Variants in CARMIL1 observed in about 807,000 individuals in gnomAD.
The protein encoded by CARMIL1 is F-actin-uncapping protein LRRC16A.
CARMIL1 carries 90 observed loss-of-function variants against 177.1 expected under a neutral mutation model. That is an observed-to-expected ratio of 0.51 (90% confidence interval 0.43 to 0.61). The LOEUF is 0.61. CARMIL1 is among the 20% of genes least tolerant of loss of function. The pLI, the probability that CARMIL1 is intolerant of heterozygous loss-of-function variation, is 0.00. For missense variants in CARMIL1, 1,380 were observed against 1,667.0 expected (o/e 0.83, Z 3.00); for synonymous variants, 577 against 606.2 (o/e 0.95, Z 0.71).
At chr6:25,392,470 T>C (rs1039966324) in intron 2 of CARMIL1, among the ~76,000 whole-genome samples, 4 of 152,222 alleles carry the variant, frequency 2.6e-5, no homozygotes, top group Non-Finnish European at 4.4e-5. Context: ...TTGAAGTCTG[T>C]TTTCCTGTCA....
chr6:25,583,098 G>A (rs148989059), intron 31 of CARMIL1, among the ~76,000 whole-genome samples: 62 of 152,370 alleles, frequency 4.1e-4, no homozygotes, highest in Non-Finnish European at 7.1e-4. Context: ...TGTATAGCCA[G>A]AGGAAAGAAA....
At chr6:25,452,038 T>G in intron 8 of CARMIL1, 1 of 457,348 alleles carries the variant, frequency 2.2e-6, no homozygotes. Flanking sequence ...TCCACCTACC[T>G]GGCAGGAAAT....
rs191130670 is a variant in CARMIL1, at chr6:25,512,549, G to T, written c.1632+1787G>T. On this transcript the variant is annotated intron_variant, in intron 20 of 36. Transcript: ENST00000329474. ...TTTTACCAATACCTGGTACAATTGG[G>T]ATCATTTTTTGTTTTATTTATTTAC... is the stretch of plus-strand genomic sequence containing the variant. 5.4e-3 allele frequency among the ~76,000 whole-genome samples: 824 copies of T among 152,206 alleles called. 2 individuals are homozygous for T. Among genetic ancestry groups the T allele is most frequent in the Non-Finnish European group, 7.2e-3 (491 of 68,012 alleles).
intron 8 of CARMIL1, among the ~76,000 whole-genome samples, chr6:25,457,544 T>C (rs1368762928): frequency 6.6e-6 from 1 of 152,218 alleles, no homozygotes; most frequent in East Asian, 1.9e-4. Context: ...CTTAACTTTT[T>C]AAAGCACTCC....
chr6:25,370,393 T>C (rs1790288852), intron 2 of CARMIL1, among the ~76,000 whole-genome samples: 1 of 152,196 alleles, frequency 6.6e-6, no homozygotes, highest in Non-Finnish European at 1.5e-5. Context: ...ACACATGTAT[T>C]AGCAGGGAAC....
At chr6:25,358,436 T>C (rs1003824711) in intron 2 of CARMIL1, among the ~76,000 whole-genome samples, 1 of 152,214 alleles carries the variant, frequency 6.6e-6, no homozygotes, top group African/African-American at 2.4e-5. Context: ...AGCATTACTT[T>C]TATGTGATGC....
chr6:25,395,067 T>C (rs1793247955), intron 2 of CARMIL1, among the ~76,000 whole-genome samples: 1 of 152,206 alleles, frequency 6.6e-6, no homozygotes, highest in Non-Finnish European at 1.5e-5. Context: ...TCTCCATGAT[T>C]TTGTCTAAAT....
chr6:25,592,764 A>G (rs1814443167), intron 31 of CARMIL1, among the ~76,000 whole-genome samples: 1 of 152,220 alleles, frequency 6.6e-6, no homozygotes, highest in South Asian at 2.1e-4. Context: ...TCAAGATTAC[A>G]GGAAACAGCT....
chr6:25,585,854 C>A (rs1219823775), intron 31 of CARMIL1, among the ~76,000 whole-genome samples: 1 of 151,790 alleles, frequency 6.6e-6, no homozygotes. Flanking sequence ...TCAGAGAGCA[C>A]GGGGTTGGGG....
intron 2 of CARMIL1, among the ~76,000 whole-genome samples, chr6:25,306,974 G>A (rs537295822): frequency 5.4e-5 from 8 of 147,936 alleles, no homozygotes; most frequent in Non-Finnish European, 1.2e-4. Context: ...TGCCTCCCCA[G>A]TTCAAGTGAT....
intron 27 of CARMIL1, among the ~76,000 whole-genome samples, chr6:25,552,922 G>A (rs1291175934): frequency 1.3e-5 from 2 of 152,122 alleles, no homozygotes; most frequent in Non-Finnish European, 2.9e-5. Context: ...TGAGACCTGG[G>A]TGAATCTTAT....
rs1815963380 is a variant in CARMIL1, at chr6:25,606,301, A to AAAC, written c.3847+28_3847+29insAAC. On this transcript the variant is annotated intron_variant, in intron 35 of 36. Coordinates refer to ENST00000329474, the MANE Select transcript of CARMIL1 (RefSeq NM_017640.6). ...AAGAGTTTTGCAGTTAGGGAGTTGC[A>AAAC]TTGTGACCAGGTGGCTTCCCAGAGC... 2.5e-6 allele frequency: 4 copies of AAAC among 1,602,180 alleles called. No homozygotes were observed. The South Asian group carries it at 4.5e-5, about 18-fold the overall frequency.
At chr6:25,618,252 C>T (rs1759445228) in intron 36 of CARMIL1, among the ~76,000 whole-genome samples, 1 of 141,020 alleles carries the variant, frequency 7.1e-6, no homozygotes, top group South Asian at 2.4e-4. Context: ...TAGTAGCCAG[C>T]AAGATAAGTT....
intron 2 of CARMIL1, among the ~76,000 whole-genome samples, chr6:25,409,772 A>G (rs989990374): frequency 6.6e-6 from 1 of 152,144 alleles, no homozygotes; most frequent in East Asian, 1.9e-4. Context: ...CATCACTCAA[A>G]CAAGTTTTGT....
In CARMIL1 at chr6:25,373,587, CTCTT is replaced by C. The variant is rs200506957; in HGVS notation, c.139-46525_139-46522del. Among the ~76,000 whole-genome samples the C allele has an allele frequency of 5.5e-3, 821 of 148,370 alleles. 6 individuals are homozygous for C. The highest frequency in any genetic ancestry group is 0.013 in the African/African-American group (536 of 39,902). ...TGTCTCAATTTTCATCTCTCTCTCTCTCTTTTTTTTTTTTTTGACAGAGTCTCGC... is the reference window on the plus strand; with the variant it reads ...TGTCTCAATTTTCATCTCTCTCTCTCTTTTTTTTTTTTGACAGAGTCTCGC... On this transcript the variant is annotated intron_variant, in intron 2 of 36. Transcript: ENST00000329474.
intron 3 of CARMIL1, 44 bp downstream of exon 3, chr6:25,420,208 A>G (rs2150691356): frequency 6.4e-7 from 1 of 1,567,856 alleles, no homozygotes; most frequent in Non-Finnish European, 8.8e-7. Context: ...ACACTCACTC[A>G]TACCCACTCA....
chr6:25,371,704 C>G (rs548013364), intron 2 of CARMIL1, among the ~76,000 whole-genome samples: 7 of 152,114 alleles, frequency 4.6e-5, no homozygotes, highest in East Asian at 1.9e-4. Flanking sequence ...TTCTCCTACT[C>G]TGTGGGTCAT....
chr6:25,466,571 C>T (rs1800615562), intron 9 of CARMIL1, among the ~76,000 whole-genome samples: 1 of 152,162 alleles, frequency 6.6e-6, no homozygotes, highest in Admixed American at 6.5e-5. Flanking sequence ...AATTAACTCT[C>T]TGGTGTTTGT....
chr6:25,524,159 C>A (rs571309522), intron 23 of CARMIL1, among the ~76,000 whole-genome samples: 1 of 152,252 alleles, frequency 6.6e-6, no homozygotes, highest in East Asian at 1.9e-4. Flanking sequence ...GATTAAACAA[C>A]CCGCCCTCTC....
Sources: allele counts gnomAD v4.1 joint callset (sites outside exome capture counted in the v4.1 genomes callset), GRCh38; gene constraint gnomAD v4.1.1; transcripts MANE v1.5; gene names NCBI Gene and HGNC (gene_info 2026-07-23, HGNC 2026-07-21).